The following SLC2A9 variants were observed in gnomAD, a reference collection of about 807,000 sequenced individuals.
SLC2A9 encodes solute carrier family 2 member 9.
Under a neutral mutation model 50.6 loss-of-function variants are expected in SLC2A9, and 39 were observed. That is an observed-to-expected ratio of 0.77 (90% confidence interval 0.60 to 1.01). The LOEUF is 1.01. Among genes scored for constraint, SLC2A9 ranks in the 50% least tolerant of loss-of-function variants. SLC2A9 has a pLI of 0.00. For synonymous variants in SLC2A9, 324 were observed against 276.9 expected (o/e 1.17, Z -1.69); for missense variants, 686 against 677.6 (o/e 1.01, Z -0.14).
chr4:9,812,350 T>G (rs953831251), intron 3 of SLC2A9, among the ~76,000 whole-genome samples: 1 of 152,208 alleles, frequency 6.6e-6, no homozygotes, highest in Admixed American at 6.5e-5. Context: ...CCACTTAAAG[T>G]TATTTAATTA....
At chr4:9,891,666 C>A (rs778012061) in intron 8 of SLC2A9, among the ~76,000 whole-genome samples, 9 of 152,164 alleles carry the variant, frequency 5.9e-5, no homozygotes. Flanking sequence ...CATCACAGAG[C>A]AAGTAGGTGA....
At chr4:10,010,552 T>C (rs1334099782) in intron 2 of SLC2A9, among the ~76,000 whole-genome samples, 10 of 152,192 alleles carry the variant, frequency 6.6e-5, no homozygotes, top group Admixed American at 6.5e-4. Flanking sequence ...CCTAAATGGC[T>C]AGTTAGCATC....
In SLC2A9 at chr4:9,908,287, G is replaced by A. The variant is rs1577828844; in HGVS notation, c.1061C>T (p.Pro354Leu). The change falls in exon 8 of 12, where the codon CCA becomes CTA. Residue 354 changes from proline to leucine, a missense_variant. Pro to Leu is a moderately conservative substitution (Grantham distance 98). Coordinates refer to ENST00000264784, the MANE Select transcript of SLC2A9 (RefSeq NM_020041.3). ...GKAGIPPAKI[P>L]YVTLSTGGIE... ...GCCCCCTGTACTCAAGGTGACGTAT[G>A]GGATCTTTGCCGGAGGGATCCCAGC... 2 of 1,614,072 alleles carry A rather than the reference G, an allele frequency of 1.2e-6. No individual in the cohort carries two copies. The highest frequency in any genetic ancestry group is 1.7e-6 in the Non-Finnish European group (2 of 1,179,966).
chr4:9,808,971 G>A (rs959457119), intron 3 of SLC2A9, among the ~76,000 whole-genome samples: 1 of 152,184 alleles, frequency 6.6e-6, no homozygotes, highest in Non-Finnish European at 1.5e-5. Flanking sequence ...TTTCGCTGCA[G>A]CCCTGGAAAT....
At chr4:9,882,350 G>A (rs1735359994) in intron 10 of SLC2A9, among the ~76,000 whole-genome samples, 1 of 152,094 alleles carries the variant, frequency 6.6e-6, no homozygotes, top group African/African-American at 2.4e-5. Flanking sequence ...TCAATCTTTA[G>A]CAAAGAGCTG....
chr4:10,039,379 G>C (rs923923604), intron 1 of SLC2A9, among the ~76,000 whole-genome samples: 2 of 152,196 alleles, frequency 1.3e-5, no homozygotes, highest in Non-Finnish European at 2.9e-5. Context: ...GATGGGACGT[G>C]AAGGGCCAGA....
chr4:9,934,253 T>C (rs1449661809), intron 6 of SLC2A9, among the ~76,000 whole-genome samples: 1 of 152,196 alleles, frequency 6.6e-6, no homozygotes, highest in Non-Finnish European at 1.5e-5. Context: ...CAGCTTTGTC[T>C]GCCCACTGTA....
chr4:10,040,004 C>T (rs1344718842), intron 1 of SLC2A9: 5 of 152,584 alleles, frequency 3.3e-5, no homozygotes, highest in Admixed American at 2.6e-4. Flanking sequence ...ACCACCGGCT[C>T]CCAGCATAGA....
intron 3 of SLC2A9, among the ~76,000 whole-genome samples, chr4:9,786,769 TC>T (rs1719271205): frequency 6.6e-6 from 1 of 152,198 alleles, no homozygotes; most frequent in African/African-American, 2.4e-5. Context: ...GGTCAGTGGT[TC>T]TTAAATGAGG....
chr4:9,921,023 C>T (rs1743851526), intron 6 of SLC2A9, among the ~76,000 whole-genome samples: 1 of 152,192 alleles, frequency 6.6e-6, no homozygotes, highest in South Asian at 2.1e-4. Flanking sequence ...CACTAAGCAC[C>T]TCCTGTTTGC....
intron 9 of SLC2A9, among the ~76,000 whole-genome samples, chr4:9,890,112 C>T (rs1012010700): frequency 2.6e-5 from 4 of 152,106 alleles, no homozygotes; most frequent in South Asian, 2.1e-4. Flanking sequence ...AGATGAGGCC[C>T]GGAGAGGAGC....
intron 10 of SLC2A9, among the ~76,000 whole-genome samples, chr4:9,858,682 A>C (rs1403975510): frequency 1.3e-5 from 2 of 152,210 alleles, no homozygotes; most frequent in African/African-American, 4.8e-5. Context: ...TCCCACAGCT[A>C]GTAAGGCAGA....
intron 10 of SLC2A9, among the ~76,000 whole-genome samples, chr4:9,864,308 C>A (rs1732105839): frequency 6.6e-6 from 1 of 150,526 alleles, no homozygotes; most frequent in Non-Finnish European, 1.5e-5. Flanking sequence ...AGCCAAGACA[C>A]TCATGTCCCC....
intron 5 of SLC2A9, among the ~76,000 whole-genome samples, chr4:9,951,892 G>A (rs1182449608): frequency 6.6e-6 from 1 of 152,262 alleles, no homozygotes; most frequent in Non-Finnish European, 1.5e-5. Context: ...AATGGTTGCA[G>A]AATTAGAGTA....
At chr4:9,927,179 G>A (rs943890827) in intron 6 of SLC2A9, among the ~76,000 whole-genome samples, 6 of 141,454 alleles carry the variant, frequency 4.2e-5, no homozygotes, top group Non-Finnish European at 4.6e-5. Flanking sequence ...ACAGGCATCC[G>A]CCACCACGCC....
intron 3 of SLC2A9, among the ~76,000 whole-genome samples, chr4:9,807,868 C>A (rs544459424): frequency 6.6e-6 from 1 of 152,218 alleles, no homozygotes; most frequent in Admixed American, 6.5e-5. Flanking sequence ...AGAATGGAAT[C>A]AGAACATAGC....
downstream of SLC2A9, among the ~76,000 whole-genome samples, chr4:9,823,444 C>T (rs1274047093): frequency 6.6e-6 from 1 of 151,934 alleles, no homozygotes; most frequent in Non-Finnish European, 1.5e-5. Context: ...TTTTTTGTGT[C>T]ACATGTATTT....
At chr4:9,831,983 C>A (rs1349683967) in intron 11 of SLC2A9, among the ~76,000 whole-genome samples, 1 of 152,192 alleles carries the variant, frequency 6.6e-6, no homozygotes, top group African/African-American at 2.4e-5. Context: ...AGGAGAGGGG[C>A]CTCAGAAGAA....
chr4:9,983,297 C>T (rs988456924), intron 4 of SLC2A9, among the ~76,000 whole-genome samples: 1 of 152,324 alleles, frequency 6.6e-6, no homozygotes, highest in Non-Finnish European at 1.5e-5. Flanking sequence ...CTCCCTGGAT[C>T]GACATCCTTG....
Sources: gnomAD v4.1 joint callset for allele counts (sites outside exome capture counted in the v4.1 genomes callset) on GRCh38, gnomAD v4.1.1 for gene constraint, MANE v1.5 for transcripts, NCBI Gene and HGNC (gene_info 2026-07-23, HGNC 2026-07-21) for gene names.